MRE11: variants seen among roughly 807,000 people sequenced by gnomAD.
MRE11 encodes the protein double-strand break repair protein MRE11.
MRE11 carries 62 observed loss-of-function variants against 91.7 expected under a neutral mutation model. The ratio of observed to expected loss-of-function variants is 0.68; its 90% CI spans 0.55 to 0.84. MRE11 has a LOEUF of 0.84. MRE11 is among the 40% of genes least tolerant of loss of function. The probability of loss-of-function intolerance (pLI) is 0.00; values close to 1 mark genes in which losing one functional copy is unlikely to be tolerated. For missense variants in MRE11, 796 were observed against 852.9 expected, an observed-to-expected ratio of 0.93 and a Z score of 0.83; for synonymous variants, 273 against 271.4, an observed-to-expected ratio of 1.01 and a Z score of -0.06.
chr11:94,467,709 T>A, intron 10 of MRE11, 104 bp downstream of exon 10: 2 of 976,418 alleles, frequency 2.0e-6, no homozygotes, highest in Non-Finnish European at 3.2e-6. Context: ...GCTCTTCTTA[T>A]TACTATGAGC....
At chr11:94,479,834 T>C in intron 4 of MRE11, 73 bp from the exon 5 acceptor site, 1 of 1,201,120 alleles carries the variant, frequency 8.3e-7, no homozygotes, top group South Asian at 1.2e-5. Flanking sequence ...TCCTCCAAAA[T>C]ATTAATGCAA....
chr11:94,496,136 G>A (rs981777881), upstream of MRE11, among the ~76,000 whole-genome samples: 3 of 152,136 alleles, frequency 2.0e-5, no homozygotes, highest in Admixed American at 6.5e-5. Context: ...ATGACAGATT[G>A]GAACAGATGT....
At chr11:94,423,377 T>G (rs994646577) in intron 19 of MRE11, among the ~76,000 whole-genome samples, 1 of 152,054 alleles carries the variant, frequency 6.6e-6, no homozygotes, top group Non-Finnish European at 1.5e-5. Flanking sequence ...GGCAGGGGGA[T>G]TGGCCCAAAC....
intron 9 of MRE11, 39 bp downstream of exon 9, chr11:94,470,432 A>G (rs1459573935): frequency 1.9e-6 from 3 of 1,587,814 alleles, no homozygotes; most frequent in East Asian, 2.2e-5. Flanking sequence ...TAATTCTTCA[A>G]CTAAAGTAGA....
upstream of MRE11, chr11:94,498,189 A>G: frequency 6.2e-7 from 1 of 1,614,160 alleles, no homozygotes; most frequent in Non-Finnish European, 8.5e-7. Flanking sequence ...ATTGTTCAGG[A>G]GCTCATTGCA....
At chr11:94,492,589 G>A in intron 2 of MRE11, 193 bp downstream of exon 2, 2 of 965,202 alleles carry the variant, frequency 2.1e-6, no homozygotes, top group Non-Finnish European at 3.2e-6. Context: ...ATCTATAGCT[G>A]CATATTAGCT....
At chr11:94,481,466 CTGATTGAACTG>C (rs1422354177) in intron 4 of MRE11, among the ~76,000 whole-genome samples, 3 of 152,094 alleles carry the variant, frequency 2.0e-5, no homozygotes, top group Non-Finnish European at 4.4e-5. Context: ...AATATTCTTC[CTGATTGAACTG>C]TGACTTCTGG....
intron 1 of MRE11, chr11:94,493,502 G>A (rs1947349698): frequency 6.6e-6 from 1 of 152,128 alleles, no homozygotes; most frequent in Non-Finnish European, 1.5e-5. Flanking sequence ...TGGAGCTCCA[G>A]ATTCCGTCGG....
chr11:94,507,674 C>G, the MRE11 span, among the ~76,000 whole-genome samples: 1 of 151,988 alleles, frequency 6.6e-6, no homozygotes, highest in African/African-American at 2.4e-5. Context: ...TTTTAATAGC[C>G]TTCCTAGTGG....
In MRE11 at chr11:94,437,218, G is replaced by C. The variant is rs1157436927; in HGVS notation, c.1885C>G (p.Gln629Glu). Residue 629 changes from glutamine to glutamate, a missense_variant, in exon 17 of 20, where the codon CAG becomes GAG. By Grantham distance (29) the Gln-to-Glu change is conservative. Coordinates refer to ENST00000323929, the MANE Select transcript of MRE11 (RefSeq NM_005591.4). Reference protein sequence around the residue: ...SIIDAFKSTRQQPSRNVTTKN... With the variant: ...SIIDAFKSTREQPSRNVTTKN... ...GTAGTGACATTTCGGGAAGGCTGCT[G>C]TCTTGTAGATTTAAAGGCTAGAATG... 1 of 1,612,872 alleles carries C rather than the reference G, an allele frequency of 6.2e-7. No individual in the cohort carries two copies. The highest frequency in any genetic ancestry group is 8.5e-7 in the Non-Finnish European group (1 of 1,179,438).
At position 94,423,059 on chromosome 11, in the gene MRE11, G is replaced by C. The variant is rs995043568; in HGVS notation, c.2071-2878C>G. ...TTTTTAGTGGAAGAAGGACAAGATG[G>C]CCAACTAGACAGGGCCAAGAAGCAC... is the stretch of plus-strand genomic sequence containing the variant. On this transcript the variant is annotated intron_variant, in intron 19 of 19. Transcript: ENST00000323929. Among the ~76,000 whole-genome samples, 11 of 152,128 alleles carry C rather than the reference G, an allele frequency of 7.2e-5. 1 individual carries two copies. Among genetic ancestry groups the C allele is most frequent in the African/African-American group, 2.7e-4 (11 of 41,428 alleles).
intron 4 of MRE11, among the ~76,000 whole-genome samples, chr11:94,483,309 A>G (rs1343890229): frequency 6.6e-6 from 1 of 151,962 alleles, no homozygotes; most frequent in Non-Finnish European, 1.5e-5. Context: ...ACCAAAAATA[A>G]TTTCTTAAAA....
At chr11:94,489,759 G>A (rs995666339) in intron 3 of MRE11, among the ~76,000 whole-genome samples, 5 of 152,154 alleles carry the variant, frequency 3.3e-5, no homozygotes, top group African/African-American at 9.7e-5. Flanking sequence ...CTCCTGGGCT[G>A]GCGTGTTAAC....
chr11:94,475,694 A>G (rs576722213), intron 7 of MRE11: 2 of 452,822 alleles, frequency 4.4e-6, no homozygotes, highest in East Asian at 1.4e-4. Context: ...ATCCTGGAAG[A>G]ACACTTGCAT....
chr11:94,486,720 G>C (rs1247755103), intron 3 of MRE11, among the ~76,000 whole-genome samples: 1 of 152,170 alleles, frequency 6.6e-6, no homozygotes, highest in Non-Finnish European at 1.5e-5. Flanking sequence ...CGATGAATTT[G>C]AACTCAAGGG....
rs1430900380 is a variant in MRE11, at chr11:94,416,959, A to G, written c.*3166T>C. On this transcript the variant is annotated 3_prime_UTR_variant, in exon 20 of 20. Coordinates refer to ENST00000323929, the MANE Select transcript of MRE11 (RefSeq NM_005591.4). ...GCTTTTAAATTCTATATTTCCAAAA[A>G]AGATATTTTACATTTAGATACTTTT... 2 of 152,016 alleles carry G rather than the reference A, an allele frequency of 1.3e-5. No homozygotes were observed. The allele number at this position is 152,016 out of a possible 1,614,324, so 9.4% of individuals were successfully genotyped here.
At position 94,419,825 on chromosome 11, in the gene MRE11, T is replaced by C; in HGVS notation, c.*300A>G. The C allele has an allele frequency of 4.0e-6, 1 of 251,038 alleles. No individual in the cohort carries two copies. The highest frequency in any genetic ancestry group is 5.8e-5 in the East Asian group (1 of 17,226). 15.6% of individuals were successfully genotyped at this position (251,038 alleles called of 1,614,324 possible). On this transcript the variant is annotated 3_prime_UTR_variant, in exon 20 of 20. Transcript: ENST00000323929. ...ATTTTATAAGCTCTTTCCCTCAACT[T>C]TGGCTAAATGTAACCATATTAAAAT...
chr11:94,485,303 C>T (rs1947111754), intron 4 of MRE11, among the ~76,000 whole-genome samples: 1 of 150,164 alleles, frequency 6.7e-6, no homozygotes, highest in East Asian at 1.9e-4. Flanking sequence ...TAGGGATTGA[C>T]AAATATCATA....
At chr11:94,450,601 C>T (rs1488045357) in intron 14 of MRE11, among the ~76,000 whole-genome samples, 4 of 152,016 alleles carry the variant, frequency 2.6e-5, no homozygotes, top group Non-Finnish European at 4.4e-5. Flanking sequence ...CAAAAACCTG[C>T]CTCCTGAAAA....
Sources: gnomAD v4.1 joint callset for allele counts (sites outside exome capture counted in the v4.1 genomes callset) on GRCh38, gnomAD v4.1.1 for gene constraint, MANE v1.5 for transcripts, NCBI Gene and HGNC (gene_info 2026-07-23, HGNC 2026-07-21) for gene names.